The following NNT variants were observed in gnomAD, a reference collection of about 807,000 sequenced individuals.
NNT encodes the protein NAD(P) transhydrogenase, mitochondrial.
In NNT, 50 loss-of-function variants were observed where a neutral mutation model predicts 104.8. The observed-to-expected ratio is 0.48, with a 90% CI of 0.38 to 0.60. The LOEUF (loss-of-function observed/expected upper bound fraction) is 0.60, where lower values mean the gene tolerates loss of function less well. Ranked by LOEUF, NNT falls within the 20% of genes least tolerant of loss-of-function variation. The pLI is 0.00. For missense variants in NNT, 1,131 were observed against 1,330.7 expected (o/e 0.85, Z 2.33); for synonymous variants, 461 against 490.4 (o/e 0.94, Z 0.79).
At chr5:43,649,954 A>T (rs1260507585) in intron 11 of NNT, among the ~76,000 whole-genome samples, 1 of 152,190 alleles carries the variant, frequency 6.6e-6, no homozygotes, top group Admixed American at 6.5e-5. Flanking sequence ...GCCAATAGTC[A>T]TCTTTTATAA....
At chr5:43,699,298 T>G (rs1173414138) in intron 19 of NNT, among the ~76,000 whole-genome samples, 1 of 151,884 alleles carries the variant, frequency 6.6e-6, no homozygotes, top group Non-Finnish European at 1.5e-5. Context: ...TATATCATTC[T>G]CTGAGTGGCT....
chr5:43,698,761 A>G lies in NNT; in HGVS notation c.2877-1358A>G, dbSNP rs79032419. Among the ~76,000 whole-genome samples, 734 of 152,096 alleles carry G rather than the reference A, an allele frequency of 4.8e-3. 7 individuals are homozygous for G. Among genetic ancestry groups the G allele is most frequent in the African/African-American group, 0.015 (641 of 41,514 alleles). On this transcript the variant is annotated intron_variant, in intron 19 of 21. Transcript: ENST00000344920. ...TGCACTTTCTAAGAACTTATGGATG[A>G]TAAGTGAGGACTTACTGTATATGAA...
intron 16 of NNT, among the ~76,000 whole-genome samples, chr5:43,658,851 A>T (rs887660276): frequency 2.0e-5 from 3 of 152,228 alleles, no homozygotes; most frequent in Non-Finnish European, 4.4e-5. Flanking sequence ...GTCTAAAGCC[A>T]TAAAAACTGG....
intron 19 of NNT, among the ~76,000 whole-genome samples, chr5:43,682,208 CTTT>C (rs71610326): frequency 4.6e-3 from 466 of 100,262 alleles, no homozygotes; most frequent in African/African-American, 0.016. Context: ...TAACTGGATT[CTTT>C]TTTTTTTTTT....
At chr5:43,661,978 A>T (rs1208705929) in intron 17 of NNT, among the ~76,000 whole-genome samples, 1 of 152,146 alleles carries the variant, frequency 6.6e-6, no homozygotes. Context: ...ATCCCTGAGG[A>T]ATCAGAAAGT....
At position 43,628,347 on chromosome 5, in the gene NNT, C is replaced by T. The variant is rs1168608524; in HGVS notation, c.924C>T (p.Cys308=). The change falls in exon 7 of 22, where the codon TGC becomes TGT. Residue 308 remains cysteine (C), a synonymous_variant. Coordinates refer to ENST00000344920, the MANE Select transcript of NNT (RefSeq NM_182977.3). ...EAEMKLFAQQ[C]KEVDILISTA... is the part of the protein sequence containing the mutation. ...AAATGAAACTCTTTGCTCAACAATG[C>T]AAGGAGGTAGACATCCTTATCAGCA... 2 of 1,613,098 alleles carry T rather than the reference C, an allele frequency of 1.2e-6. No homozygotes were observed. Among genetic ancestry groups the T allele is most frequent in the South Asian group, 2.2e-5 (2 of 90,984 alleles).
intron 12 of NNT, among the ~76,000 whole-genome samples, chr5:43,651,409 C>T (rs1739753062): frequency 6.6e-6 from 1 of 151,850 alleles, no homozygotes; most frequent in Non-Finnish European, 1.5e-5. Context: ...AAACCCCCCT[C>T]TCTACTAAAA....
chr5:43,667,630 G>T (rs1355353287), intron 17 of NNT, among the ~76,000 whole-genome samples: 1 of 152,154 alleles, frequency 6.6e-6, no homozygotes, highest in Non-Finnish European at 1.5e-5. Flanking sequence ...GTATTCCATG[G>T]TGTATATGTG....
chr5:43,698,823 C>G (rs906809293), intron 19 of NNT, among the ~76,000 whole-genome samples: 2 of 151,024 alleles, frequency 1.3e-5, no homozygotes, highest in African/African-American at 4.9e-5. Context: ...TGCATACATA[C>G]ACATATATAC....
At chr5:43,659,484 A>G (rs1740240696) in intron 17 of NNT, 134 bp downstream of exon 17, 2 of 708,768 alleles carry the variant, frequency 2.8e-6, no homozygotes, top group African/African-American at 1.8e-5. Context: ...TAATCCCAGC[A>G]CTTTAGGAGG....
At chr5:43,665,053 C>A (rs1740557344) in intron 17 of NNT, among the ~76,000 whole-genome samples, 1 of 151,856 alleles carries the variant, frequency 6.6e-6, no homozygotes, top group Non-Finnish European at 1.5e-5. Context: ...ATAATGGTTC[C>A]TTTTAAGCCG....
intron 19 of NNT, among the ~76,000 whole-genome samples, chr5:43,679,969 C>G (rs1741614632): frequency 6.6e-6 from 1 of 151,472 alleles, no homozygotes; most frequent in East Asian, 1.9e-4. Flanking sequence ...AGTCATCTTT[C>G]TTTCATATTA....
At chr5:43,680,409 G>A (rs1045275839) in intron 19 of NNT, among the ~76,000 whole-genome samples, 6 of 152,052 alleles carry the variant, frequency 3.9e-5, no homozygotes, top group South Asian at 2.1e-4. Flanking sequence ...GAGCTCCCAC[G>A]GTGTTCATTG....
At chr5:43,659,664 G>T (rs986524546) in intron 17 of NNT, among the ~76,000 whole-genome samples, 2 of 152,034 alleles carry the variant, frequency 1.3e-5, no homozygotes, top group African/African-American at 4.8e-5. Context: ...GGAGGCAGAG[G>T]TTGCAGTGAC....
intron 17 of NNT, among the ~76,000 whole-genome samples, chr5:43,666,094 T>A: frequency 6.8e-6 from 1 of 147,040 alleles, no homozygotes; most frequent in African/African-American, 2.6e-5. Context: ...GAAGAGGCGC[T>A]CCTCACTTCC....
At chr5:43,697,937 T>C (rs1742642019) in intron 19 of NNT, among the ~76,000 whole-genome samples, 1 of 151,408 alleles carries the variant, frequency 6.6e-6, no homozygotes, top group African/African-American at 2.5e-5. Flanking sequence ...CAAGATGAGA[T>C]TTGAGCGGGG....
chr5:43,623,914 C>A, intron 5 of NNT, 118 bp from the exon 6 acceptor site: 1 of 896,706 alleles, frequency 1.1e-6, no homozygotes, highest in Non-Finnish European at 1.9e-6. Context: ...TCATTATCAC[C>A]ATCTGCACCG....
At chr5:43,673,205 G>A (rs527346542) in intron 17 of NNT, among the ~76,000 whole-genome samples, 2 of 152,336 alleles carry the variant, frequency 1.3e-5, no homozygotes, top group African/African-American at 4.8e-5. Context: ...GGCTAGGAAA[G>A]GGTATTCCCT....
chr5:43,644,090 A>C, intron 7 of NNT, 102 bp from the exon 8 acceptor site: 2 of 1,118,700 alleles, frequency 1.8e-6, no homozygotes, highest in Non-Finnish European at 2.6e-6. Context: ...TTAAAATTTC[A>C]GATGTTAAAT....
Sources: gnomAD v4.1 joint callset for allele counts (sites outside exome capture counted in the v4.1 genomes callset) on GRCh38, gnomAD v4.1.1 for gene constraint, MANE v1.5 for transcripts, NCBI Gene and HGNC (gene_info 2026-07-23, HGNC 2026-07-21) for gene names.